The following PYY variants were observed in gnomAD, a reference collection of about 807,000 sequenced individuals.
PYY encodes the protein peptide YY, also known as peptide tyrosine tyrosine.
PYY carries 12 observed loss-of-function variants against 10.3 expected under a neutral mutation model. The ratio of observed to expected loss-of-function variants is 1.17; its 90% CI spans 0.75 to 1.89. The LOEUF (loss-of-function observed/expected upper bound fraction) is 1.89. PYY is among the 40% of genes most tolerant of loss of function. The pLI is 0.00. For missense variants in PYY, 141 were observed against 134.0 expected, an observed-to-expected ratio of 1.05 and a Z score of -0.26; for synonymous variants, 66 against 62.0, an observed-to-expected ratio of 1.06 and a Z score of -0.30.
chr17:43,980,881 T>G (rs1293296307), intron 1 of PYY, among the ~76,000 whole-genome samples: 2 of 152,246 alleles, frequency 1.3e-5, no homozygotes, highest in Non-Finnish European at 2.9e-5. Context: ...CTATGTAATA[T>G]TCTGTGGTGT....
chr17:43,978,456 G>A (rs1242015533), intron 1 of PYY, among the ~76,000 whole-genome samples: 1 of 152,138 alleles, frequency 6.6e-6, no homozygotes, highest in African/African-American at 2.4e-5. Context: ...AGGAGTTAAA[G>A]ACCAGTCTGG....
intron 1 of PYY, among the ~76,000 whole-genome samples, chr17:43,973,995 C>T (rs1156270469): frequency 2.6e-5 from 4 of 152,018 alleles, no homozygotes; most frequent in Admixed American, 6.6e-5. Context: ...GGACAAGTGG[C>T]CGACTCTGGA....
chr17:44,003,670 CAAAAAAA>C (rs34426332), intron 1 of PYY, among the ~76,000 whole-genome samples: 1 of 17,112 alleles, frequency 5.8e-5, no homozygotes, highest in Non-Finnish European at 1.9e-4. Context: ...AACAAACAAA[CAAAAAAA>C]AAAAAAAAAA....
intron 1 of PYY, among the ~76,000 whole-genome samples, chr17:43,993,623 C>T (rs2048972212): frequency 6.7e-6 from 1 of 148,868 alleles, no homozygotes; most frequent in Non-Finnish European, 1.5e-5. Flanking sequence ...GAGACTCTGT[C>T]TTAAAAAAAA....
chr17:43,995,397 C>T (rs931747926), intron 1 of PYY, among the ~76,000 whole-genome samples: 5 of 152,168 alleles, frequency 3.3e-5, no homozygotes, highest in Non-Finnish European at 7.3e-5. Context: ...TGGAGGCGAT[C>T]TCAGCTCACT....
chr17:43,991,902 C>T (rs1395043877), intron 1 of PYY, among the ~76,000 whole-genome samples: 10 of 151,264 alleles, frequency 6.6e-5, no homozygotes, highest in Admixed American at 6.6e-5. Context: ...AGACGGATCA[C>T]GAGGTCAGGA....
At chr17:43,969,617 G>C in intron 1 of PYY, among the ~76,000 whole-genome samples, 1 of 151,614 alleles carries the variant, frequency 6.6e-6, no homozygotes, top group East Asian at 1.9e-4. Context: ...AATACTCTTA[G>C]GCCAGGCTGG....
At position 44,000,567 on chromosome 17, in the gene PYY, C is replaced by CTT. The variant is rs398041714; in HGVS notation, c.-463+3822_-463+3823dup. ...ATGCCTGAGAATGCCTAAGTGTGCA[C>CTT]TTTTTTTTTTTTTTTTTGAGACTGA... On this transcript the variant is annotated intron_variant, in intron 1 of 6. Transcript: ENST00000360085. Among the ~76,000 whole-genome samples the CTT allele has an allele frequency of 5.0e-3, 644 of 127,940 alleles. 19 individuals carry two copies. Among genetic ancestry groups the CTT allele is most frequent in the East Asian group, 7.2e-3 (32 of 4,456 alleles). 83.9% of individuals were successfully genotyped at this position (127,940 alleles called of 152,430 possible).
rs753308939 is a variant in PYY, at chr17:43,987,764, T to C, written c.-463+16627A>G. ...TGTTCTGAGCAAAACAGACATGGCA[T>C]GTGCCCTCTAAGAGCTTACAGTCCA... On this transcript the variant is annotated intron_variant, in intron 1 of 6. Coordinates refer to the PYY transcript ENST00000360085. This position sits in a 1 kb window ranked among gnomAD's most constrained non-coding sequence, Gnocchi z 4.0. 1.2e-4 allele frequency among the ~76,000 whole-genome samples: 19 copies of C among 152,240 alleles called. No individual in the cohort carries two copies. Among genetic ancestry groups the C allele is most frequent in the Admixed American group, 1.3e-4 (2 of 15,286 alleles).
At chr17:43,976,223 A>ATG (rs1567932122) in intron 1 of PYY, among the ~76,000 whole-genome samples, 3 of 142,830 alleles carry the variant, frequency 2.1e-5, no homozygotes, top group Admixed American at 1.4e-4. Flanking sequence ...ATATGTATAC[A>ATG]TATATACATA....
intron 1 of PYY, among the ~76,000 whole-genome samples, chr17:43,984,870 C>T (rs979025497): frequency 6.6e-6 from 1 of 152,160 alleles, no homozygotes; most frequent in African/African-American, 2.4e-5. Context: ...TTAATTAAAT[C>T]CTGCCTGGTT....
intron 1 of PYY, among the ~76,000 whole-genome samples, chr17:43,976,462 TACAC>T (rs1016744152): frequency 2.1e-5 from 3 of 143,828 alleles, no homozygotes; most frequent in Admixed American, 7.2e-5. Context: ...TACATATATA[TACAC>T]ACACACACAT....
At chr17:43,992,927 C>G (rs1021612191) in intron 1 of PYY, among the ~76,000 whole-genome samples, 2 of 151,912 alleles carry the variant, frequency 1.3e-5, no homozygotes, top group African/African-American at 4.8e-5. Context: ...CTTCCGGCCT[C>G]CAGACAGTGA....
At chr17:43,986,531 C>T (rs924590716) in intron 1 of PYY, among the ~76,000 whole-genome samples, 1 of 152,188 alleles carries the variant, frequency 6.6e-6, no homozygotes, top group Non-Finnish European at 1.5e-5. Context: ...ACCAGACAAG[C>T]CTGAACTGAA....
chr17:43,994,698 T>G (rs891294203), intron 1 of PYY, among the ~76,000 whole-genome samples: 11 of 151,978 alleles, frequency 7.2e-5, no homozygotes, highest in African/African-American at 2.7e-4. Flanking sequence ...TCGTCCCAAA[T>G]AAAACCTCCT....
chr17:43,953,220 G>T, intron 2 of PYY, 31 bp from the exon 3 acceptor site: 1 of 1,612,050 alleles, frequency 6.2e-7, no homozygotes, highest in Non-Finnish European at 8.5e-7. Flanking sequence ...AGCGTGGTCA[G>T]ATCTGGCCAC....
intron 1 of PYY, among the ~76,000 whole-genome samples, chr17:43,976,168 C>CGT (rs1567931980): frequency 3.3e-5 from 3 of 90,200 alleles, no homozygotes; most frequent in African/African-American, 2.3e-4. Context: ...TACATGCATG[C>CGT]ATATATGTAT....
intron 1 of PYY, among the ~76,000 whole-genome samples, chr17:43,986,289 G>C (rs2048915512): frequency 1.3e-5 from 2 of 152,150 alleles, no homozygotes; most frequent in South Asian, 4.1e-4. Context: ...AAAAGAGAGA[G>C]AGGGTGAGCG....
intron 1 of PYY, among the ~76,000 whole-genome samples, chr17:43,982,558 A>G (rs1358193554): frequency 1.3e-5 from 2 of 152,138 alleles, no homozygotes; most frequent in African/African-American, 2.4e-5. Context: ...AAAGCCAGAG[A>G]AGGGTTTAGC....
Sources: gnomAD v4.1 joint callset for allele counts (sites outside exome capture counted in the v4.1 genomes callset) on GRCh38, gnomAD v4.1.1 for gene constraint, Gnocchi (gnomAD v3.1) non-coding constraint, MANE v1.5 for transcripts, NCBI Gene and HGNC (gene_info 2026-07-23, HGNC 2026-07-21) for gene names.